A2M: variants seen among roughly 807,000 people sequenced by gnomAD.
A2M encodes alpha-2-macroglobulin.
Under a neutral mutation model 183.9 loss-of-function variants are expected in A2M, and 128 were observed. That is an observed-to-expected ratio of 0.70 (90% CI 0.60 to 0.81). The LOEUF (loss-of-function observed/expected upper bound fraction) is 0.81, where lower values mean the gene tolerates loss of function less well. Among genes scored for constraint, A2M ranks in the 30% least tolerant of loss-of-function variants. The pLI, the probability that A2M is intolerant of heterozygous loss-of-function variation, is 0.00. For missense variants in A2M, 1,495 were observed against 1,787.6 expected (o/e 0.84, Z 2.95); for synonymous variants, 592 against 670.8 (o/e 0.88, Z 1.81).
chr12:9,106,682 G>A, intron 8 of A2M, 77 bp from the exon 9 acceptor site: 1 of 693,698 alleles, frequency 1.4e-6, no homozygotes, highest in Non-Finnish European at 2.4e-6. Context: ...TAACCGGTGT[G>A]ATTTTTGTGG....
intron 18 of A2M, 113 bp downstream of exon 18, chr12:9,093,349 ACAT>A (rs748050609): frequency 5.3e-5 from 37 of 692,896 alleles, no homozygotes; most frequent in Non-Finnish European, 8.4e-5. Context: ...ATATATCAAA[ACAT>A]CATGTTGTAC....
chr12:9,068,673 AT>A, intron 34 of A2M, 66 bp downstream of exon 34: 1 of 1,273,076 alleles, frequency 7.9e-7, no homozygotes, highest in East Asian at 2.5e-5. Context: ...ACCCCAACAC[AT>A]CTCCTAAACC....
In A2M at chr12:9,093,581, T is replaced by G; in HGVS notation, c.2126-2A>C. 6 of 1,131,950 alleles carry G rather than the reference T, an allele frequency of 5.3e-6. No individual in the cohort carries two copies. The highest frequency in any genetic ancestry group is 7.3e-6 in the Non-Finnish European group (6 of 823,612). The allele number at this position is 1,131,950 out of a possible 1,614,324, so 70.1% of individuals were successfully genotyped here. A position where few individuals can be genotyped will look rare whatever the true frequency, so the allele number is the denominator to read the frequency against. Reference sequence around the variant, plus strand: ...GGCCTCTTCCCATTACATCTGACTCTATGGTGAGTGAGGAAGAAGACATTA... The same window carrying G: ...GGCCTCTTCCCATTACATCTGACTCGATGGTGAGTGAGGAAGAAGACATTA... On this transcript the variant is annotated splice_acceptor_variant, in intron 17 of 35. Coordinates refer to ENST00000318602, the MANE Select transcript of A2M (RefSeq NM_000014.6). LOFTEE classifies it high-confidence loss of function.
Position 9,110,298 on chromosome 12 carries a change from G to A in A2M, c.504+16C>T, listed in dbSNP as rs1938628008. On this transcript the variant is annotated intron_variant, in intron 5 of 35. Coordinates refer to ENST00000318602, the MANE Select transcript of A2M (RefSeq NM_000014.6). Reference sequence around the variant, plus strand: ...TATTGCTTTCCTTTTAATATGGAATGTTTCATGTTGCTTACCTGAATGTAT... The same window carrying A: ...TATTGCTTTCCTTTTAATATGGAATATTTCATGTTGCTTACCTGAATGTAT... The A allele has an allele frequency of 6.8e-7, 1 of 1,465,316 alleles. No individual in the cohort carries two copies. The highest frequency in any genetic ancestry group is 9.3e-7 in the Non-Finnish European group (1 of 1,080,340). 90.8% of individuals were successfully genotyped at this position (1,465,316 alleles called of 1,614,324 possible). A position where few individuals can be genotyped will look rare whatever the true frequency, so the allele number is the denominator to read the frequency against.
intron 2 of A2M, 88 bp from the exon 3 acceptor site, chr12:9,112,624 G>T: frequency 6.9e-7 from 1 of 1,455,152 alleles, no homozygotes; most frequent in Non-Finnish European, 9.5e-7. Context: ...TGGAGATCTT[G>T]CCCTTCTTAC....
At chr12:9,111,565 A>G (rs992614329) in intron 4 of A2M, 2 of 456,252 alleles carry the variant, frequency 4.4e-6, no homozygotes, top group African/African-American at 4.0e-5. Context: ...GGATGTGGGT[A>G]TGAGAGAAAG....
chr12:9,105,556 T>C (rs955514707), intron 10 of A2M, among the ~76,000 whole-genome samples: 3 of 152,314 alleles, frequency 2.0e-5, no homozygotes, highest in South Asian at 2.1e-4. Context: ...TTGAGGCACA[T>C]GTAACTGTGA....
At chr12:9,094,942 G>T in intron 17 of A2M, 31 bp downstream of exon 17, 2 of 1,199,204 alleles carry the variant, frequency 1.7e-6, no homozygotes, top group South Asian at 1.7e-5. Context: ...GAATATATTA[G>T]GCAATATATA....
At chr12:9,095,177 G>A (rs1439174310) in intron 16 of A2M, 93 bp from the exon 17 acceptor site, 3 of 644,016 alleles carry the variant, frequency 4.7e-6, no homozygotes, top group Non-Finnish European at 7.4e-6. Flanking sequence ...AAGCAATCCA[G>A]TTAACTTAAA....
At chr12:9,110,424 T>C (rs1331929170) in intron 4 of A2M, 90 bp from the exon 5 acceptor site, 8 of 733,240 alleles carry the variant, frequency 1.1e-5, no homozygotes, top group Middle Eastern at 3.2e-4. Context: ...TTTGCTAGCA[T>C]AACAGGGTGA....
chr12:9,093,635 A>G, intron 17 of A2M, 56 bp from the exon 18 acceptor site: 2 of 935,658 alleles, frequency 2.1e-6, no homozygotes, highest in Non-Finnish European at 3.0e-6. Context: ...AGCTTATGAG[A>G]GAATGTAATA....
chr12:9,099,783 A>G (rs1301693604), intron 13 of A2M, among the ~76,000 whole-genome samples: 1 of 152,182 alleles, frequency 6.6e-6, no homozygotes, highest in African/African-American at 2.4e-5. Context: ...CCAATTCACT[A>G]CCATTTGATC....
chr12:9,109,489 C>T (rs1565603538), intron 6 of A2M, 84 bp from the exon 7 acceptor site: 1 of 1,026,294 alleles, frequency 9.7e-7, no homozygotes, highest in Non-Finnish European at 1.5e-6. Context: ...TAACAGTTCC[C>T]TAATAATATT....
chr12:9,097,753 C>T (rs146231725), intron 15 of A2M, among the ~76,000 whole-genome samples: 2,419 of 151,982 alleles, frequency 0.016, 67 homozygotes, highest in African/African-American at 0.055. Context: ...CTGCCTCAGC[C>T]TCCTGAGTAG....
chr12:9,112,772 T>A, intron 2 of A2M: 1 of 505,380 alleles, frequency 2.0e-6, no homozygotes. Flanking sequence ...GATTCACACC[T>A]TCATACAGCT....
chr12:9,105,053 C>T (rs1938181351), intron 10 of A2M, among the ~76,000 whole-genome samples: 1 of 152,166 alleles, frequency 6.6e-6, no homozygotes, highest in African/African-American at 2.4e-5. Context: ...AAAAGAGGCA[C>T]ACAGTATTAA....
rs771888991 is a variant in A2M at position 9,101,168 on chromosome 12, C to T, written c.1534G>A (p.Gly512Arg). The change falls in exon 13 of 36, where the codon GGA becomes AGA. Residue 512 changes from glycine to arginine, a missense_variant. Transcript: ENST00000318602. ...CTGTCTTCCTGCTTCACAAGCAGTC[C>T]ATGAGTCCCAGTTCGGACAATGCCT... ...KGGIVRTGTH[G>R]LLVKQEDMKG... 6.4e-7 allele frequency: 1 copy of T among 1,561,514 alleles called. No individual in the cohort carries two copies. The highest frequency in any genetic ancestry group is 1.2e-5 in the South Asian group (1 of 84,466).
At chr12:9,111,972 A>G (rs1352941352) in intron 4 of A2M, 187 bp downstream of exon 4, 1 of 762,978 alleles carries the variant, frequency 1.3e-6, no homozygotes, top group African/African-American at 1.7e-5. Context: ...GCACCAAGAC[A>G]GAAAGAATTA....
At chr12:9,098,017 T>C (rs1017232123) in intron 15 of A2M, among the ~76,000 whole-genome samples, 3 of 152,254 alleles carry the variant, frequency 2.0e-5, no homozygotes, top group Non-Finnish European at 1.5e-5. Flanking sequence ...GTTAGGCTTT[T>C]TGAAATGTTG....
Sources: allele counts gnomAD v4.1 joint callset (sites outside exome capture counted in the v4.1 genomes callset), GRCh38; gene constraint gnomAD v4.1.1; transcripts MANE v1.5; gene names NCBI Gene and HGNC (gene_info 2026-07-23, HGNC 2026-07-21).